The following DHX57 variants were observed in gnomAD, a reference collection of about 807,000 sequenced individuals.
The protein encoded by DHX57 is putative ATP-dependent RNA helicase DHX57.
Under a neutral mutation model 156.2 loss-of-function variants are expected in DHX57, and 105 were observed. The observed-to-expected ratio is 0.67, with a 90% confidence interval of 0.57 to 0.79. DHX57 has a LOEUF of 0.79. Ranked by LOEUF, DHX57 falls within the 30% of genes least tolerant of loss-of-function variation. The pLI is 0.00. For missense variants in DHX57, 1,847 were observed against 1,661.9 expected, an observed-to-expected ratio of 1.11 and a Z score of -1.94; for synonymous variants, 704 against 595.6, an observed-to-expected ratio of 1.18 and a Z score of -2.65.
chr2:38,816,327 GC>G (rs1670545810), intron 19 of DHX57: 2 of 434,824 alleles, frequency 4.6e-6, no homozygotes, highest in Admixed American at 5.2e-5. Context: ...TGATTCTCTT[GC>G]CTTAACCTCC....
chr2:38,868,790 T>A (rs1665212168), intron 1 of DHX57, among the ~76,000 whole-genome samples: 1 of 146,848 alleles, frequency 6.8e-6, no homozygotes, highest in Non-Finnish European at 1.5e-5. Flanking sequence ...TTTGGTTAGG[T>A]CTAATTTAGA....
chr2:38,848,808 A>G (rs1167842105), intron 9 of DHX57, among the ~76,000 whole-genome samples: 4 of 152,224 alleles, frequency 2.6e-5, no homozygotes, highest in African/African-American at 9.6e-5. Context: ...ACATTGAACC[A>G]TCGGAGAGCA....
rs531587005 is a variant in DHX57, at chr2:38,848,467, T to C, written c.2031-65A>G. 1.5e-5 allele frequency: 23 copies of C among 1,503,082 alleles called. No homozygotes were observed. The Admixed American group carries it at 4.9e-4, about 32-fold the overall frequency. The allele number at this position is 1,503,082 out of a possible 1,614,324, so 93.1% of individuals were successfully genotyped here. On this transcript the variant is annotated intron_variant, in intron 9 of 23. Transcript: ENST00000457308. Reference sequence around the variant, plus strand: ...TCAACACATGAAAATTAGTAACTTTTACTATATTTTGAGCAAGAAATGTGT... The same window carrying C: ...TCAACACATGAAAATTAGTAACTTTCACTATATTTTGAGCAAGAAATGTGT...
chr2:38,832,386 C>T (rs146243255), intron 13 of DHX57, among the ~76,000 whole-genome samples: 2 of 151,802 alleles, frequency 1.3e-5, no homozygotes, highest in African/African-American at 4.8e-5. Flanking sequence ...GTTGCAGAGC[C>T]GAGATTGCGC....
chr2:38,806,592 A>G lies in DHX57; in HGVS notation c.3783T>C (p.Tyr1261=). The change falls in exon 22 of 24, where the codon TAT becomes TAC. Residue 1261 remains tyrosine, a synonymous_variant. Coordinates refer to ENST00000457308, the MANE Select transcript of DHX57 (RefSeq NM_198963.3). ...TCACTGATGAAGGGTGAATGTGTAC[A>G]TATCCATCGTTCTTGGTGACAAACT... The part of the protein sequence containing the change: ...ELKFVTKNDG[Y]VHIHPSSVNY... The G allele has an allele frequency of 1.9e-6, 3 of 1,614,162 alleles. No individual in the cohort carries two copies. The highest frequency in any genetic ancestry group is 2.5e-6 in the Non-Finnish European group (3 of 1,180,026).
At chr2:38,801,566 C>T (rs1250008579) in intron 23 of DHX57, among the ~76,000 whole-genome samples, 4 of 151,682 alleles carry the variant, frequency 2.6e-5, no homozygotes, top group Admixed American at 1.3e-4. Flanking sequence ...CCCGCCACCA[C>T]GCCCAGCTAA....
intron 17 of DHX57, among the ~76,000 whole-genome samples, chr2:38,819,411 G>T (rs1396208764): frequency 6.6e-6 from 1 of 152,168 alleles, no homozygotes; most frequent in Non-Finnish European, 1.5e-5. Context: ...CCTGGGCTCA[G>T]GCAATTGGCC....
intron 13 of DHX57, among the ~76,000 whole-genome samples, chr2:38,830,521 G>A (rs1671324607): frequency 6.6e-6 from 1 of 152,012 alleles, no homozygotes; most frequent in Non-Finnish European, 1.5e-5. Flanking sequence ...CCAGCTACTT[G>A]GGAGGCTGGA....
intron 9 of DHX57, among the ~76,000 whole-genome samples, chr2:38,850,904 G>A (rs776924534): frequency 6.6e-6 from 1 of 151,824 alleles, no homozygotes; most frequent in Non-Finnish European, 1.5e-5. Context: ...GTGAAACTCC[G>A]ACTCTATTAA....
chr2:38,831,844 CAA>C (rs35533064), intron 13 of DHX57, among the ~76,000 whole-genome samples: 30 of 131,910 alleles, frequency 2.3e-4, no homozygotes, highest in African/African-American at 5.2e-4. Context: ...GACTTCATCT[CAA>C]AAAAAAAAAA....
At chr2:38,863,614 G>T in intron 2 of DHX57, 95 bp from the exon 3 acceptor site, 20 of 1,099,232 alleles carry the variant, frequency 1.8e-5, no homozygotes, top group Admixed American at 2.4e-5. Context: ...ATACAAACTG[G>T]ATTGTCAAGT....
chr2:38,806,145 T>G (rs1669924055), intron 22 of DHX57, among the ~76,000 whole-genome samples: 1 of 152,236 alleles, frequency 6.6e-6, no homozygotes, highest in South Asian at 2.1e-4. Flanking sequence ...CTTTGACAAC[T>G]AAGAAGTTAT....
At chr2:38,807,116 G>A (rs913638960) in intron 21 of DHX57, among the ~76,000 whole-genome samples, 26 of 151,568 alleles carry the variant, frequency 1.7e-4, no homozygotes, top group Admixed American at 4.6e-4. Flanking sequence ...GTGCACTGGT[G>A]CGATCTCGGC....
In DHX57 at chr2:38,855,150, G is replaced by C. The variant is rs781410537; in HGVS notation, c.1812C>G (p.Ile604Met). ...ANIICTQPRR[I>M]SAISVAERVA... is the part of the protein sequence containing the mutation. ...CGCGTTCAGCAACAGAGATTGCAGAGATTCGTCGGGGTTGGGTACAGATGA... is the reference window on the plus strand; with the variant it reads ...CGCGTTCAGCAACAGAGATTGCAGACATTCGTCGGGGTTGGGTACAGATGA... Residue 604 changes from isoleucine to methionine, a missense_variant, in exon 8 of 24, where the codon ATC becomes ATG. Coordinates refer to ENST00000457308, the MANE Select transcript of DHX57 (RefSeq NM_198963.3). 1.2e-6 allele frequency: 2 copies of C among 1,614,124 alleles called. No individual in the cohort carries two copies. The highest frequency in any genetic ancestry group is 2.2e-5 in the East Asian group (1 of 44,876).
chr2:38,856,335 C>T lies in DHX57; in HGVS notation c.1709+5G>A. 4 of 1,606,654 alleles carry T rather than the reference C, an allele frequency of 2.5e-6. No homozygotes were observed. The highest frequency in any genetic ancestry group is 3.4e-6 in the Non-Finnish European group (4 of 1,178,002). On this transcript the variant is annotated splice_donor_5th_base_variant and intron_variant, in intron 7 of 23. Coordinates refer to ENST00000457308, the MANE Select transcript of DHX57 (RefSeq NM_198963.3). ...AAGCTACAGATGAATAAACTGCATT[C>T]TTACCCAGTCATACCACTTATGACA...
intron 16 of DHX57, among the ~76,000 whole-genome samples, chr2:38,825,389 G>T (rs1438874781): frequency 4.6e-5 from 7 of 152,244 alleles, no homozygotes; most frequent in Non-Finnish European, 7.4e-5. Context: ...TGCAACCTCT[G>T]CCTCCTGGGT....
chr2:38,811,350 C>T, intron 21 of DHX57: 1 of 528,936 alleles, frequency 1.9e-6, no homozygotes, highest in South Asian at 1.6e-5. Flanking sequence ...TTTGCCCCCT[C>T]CCACTGAGCA....
chr2:38,863,594 G>C, intron 2 of DHX57, 75 bp from the exon 3 acceptor site: 3 of 1,364,036 alleles, frequency 2.2e-6, no homozygotes, highest in East Asian at 2.3e-5. Context: ...GGGGTCCCCA[G>C]ATATACACAA....
chr2:38,847,218 T>A, intron 10 of DHX57, 145 bp from the exon 11 acceptor site: 1 of 652,002 alleles, frequency 1.5e-6, no homozygotes, highest in South Asian at 2.4e-5. Flanking sequence ...AGAAGAAAAG[T>A]TCTGGTAACA....
Sources: allele counts gnomAD v4.1 joint callset (sites outside exome capture counted in the v4.1 genomes callset), GRCh38; gene constraint gnomAD v4.1.1; transcripts MANE v1.5; gene names NCBI Gene and HGNC (gene_info 2026-07-23, HGNC 2026-07-21).